Variants in UBR3 observed in about 807,000 individuals in gnomAD.
The protein encoded by UBR3 is ubiquitin protein ligase E3 component n-recognin 3.
In UBR3, 85 loss-of-function variants were observed where a neutral mutation model predicts 243.2. That is an observed-to-expected ratio of 0.35 (90% CI 0.29 to 0.42). The LOEUF is 0.42. Ranked by LOEUF, UBR3 falls within the 10% of genes least tolerant of loss-of-function variation. UBR3 has a pLI of 1.00. For synonymous variants in UBR3, 748 were observed against 799.8 expected, an observed-to-expected ratio of 0.94 and a Z score of 1.09; for missense variants, 1,686 against 2,300.8, an observed-to-expected ratio of 0.73 and a Z score of 5.47.
chr2:169,836,041 CTCTA>C (rs1455441887), intron 1 of UBR3, among the ~76,000 whole-genome samples: 1 of 8,422 alleles, frequency 1.2e-4, no homozygotes, highest in Non-Finnish European at 2.0e-4. Context: ...CTCTCTCTCT[CTCTA>C]TATATATATA....
intron 30 of UBR3, among the ~76,000 whole-genome samples, chr2:170,018,702 G>A (rs1351320493): frequency 1.3e-5 from 2 of 152,308 alleles, no homozygotes; most frequent in Non-Finnish European, 2.9e-5. Flanking sequence ...GACTTTGAAA[G>A]ATAAGTGAGG....
intron 3 of UBR3, among the ~76,000 whole-genome samples, chr2:169,876,372 G>T (rs183143548): frequency 1.3e-5 from 2 of 152,174 alleles, no homozygotes; most frequent in East Asian, 1.9e-4. Flanking sequence ...GAGCCACTGC[G>T]CCTGGCAAGA....
chr2:170,036,374 C>G (rs951813958), intron 31 of UBR3, among the ~76,000 whole-genome samples: 1 of 152,034 alleles, frequency 6.6e-6, no homozygotes, highest in Non-Finnish European at 1.5e-5. Flanking sequence ...GTGCATCAAT[C>G]CATTCATTCA....
rs1219172339 is a variant in UBR3, at chr2:169,947,611, C to T, written c.2980C>T (p.Arg994Ter). ...FPGSNLVSNM[R>*]HFINYVRVRV... ...TGGCAGTAACTTAGTGTCAAACATGCGACACTTTATAAACTATGTTAGAGT... is the reference window on the plus strand; with the variant it reads ...TGGCAGTAACTTAGTGTCAAACATGTGACACTTTATAAACTATGTTAGAGT... Residue 994 changes from arginine to a stop codon, truncating the protein, a stop_gained, in exon 22 of 39, where the codon CGA (arginine) becomes TGA (stop). Coordinates refer to ENST00000272793, the MANE Select transcript of UBR3 (RefSeq NM_172070.4). LOFTEE classifies it high-confidence loss of function. 3.9e-6 allele frequency: 6 copies of T among 1,534,468 alleles called. No homozygotes were observed. The highest frequency in any genetic ancestry group is 2.5e-5 in the East Asian group (1 of 40,060).
chr2:170,006,796 C>T (rs62172020), intron 27 of UBR3, among the ~76,000 whole-genome samples, 194 bp from the exon 28 acceptor site: 156 of 152,176 alleles, frequency 1.0e-3, no homozygotes, highest in South Asian at 7.3e-3. Context: ...GCAAGTGTTA[C>T]GTAATTGCTA....
chr2:170,079,960 T>C lies in UBR3; in HGVS notation c.5346T>C (p.Cys1782=). The C allele has an allele frequency of 1.2e-6, 2 of 1,614,122 alleles. No individual in the cohort carries two copies. The highest frequency in any genetic ancestry group is 1.7e-6 in the Non-Finnish European group (2 of 1,179,988). The change falls in exon 37 of 39, where the codon TGT becomes TGC. Residue 1782 remains cysteine, a synonymous_variant. Transcript: ENST00000272793. ...AAGATCCTGCTGTTTGCCTTGTGTGTGGTACTTTTGTATGCCTGAAAGGAC... is the reference window on the plus strand; with the variant it reads ...AAGATCCTGCTGTTTGCCTTGTGTGCGGTACTTTTGTATGCCTGAAAGGAC... The part of the protein sequence containing the change: ...VPKDPAVCLV[C]GTFVCLKGLC...
intron 31 of UBR3, among the ~76,000 whole-genome samples, chr2:170,030,365 A>G (rs1486938597): frequency 6.6e-6 from 1 of 152,156 alleles, no homozygotes; most frequent in African/African-American, 2.4e-5. Flanking sequence ...GAGGGCATAC[A>G]TAGCTAATAG....
intron 19 of UBR3, among the ~76,000 whole-genome samples, chr2:169,939,264 T>TC (rs1438743551): frequency 6.8e-6 from 1 of 147,624 alleles, no homozygotes; most frequent in East Asian, 2.0e-4. Context: ...CTTATTAACT[T>TC]TTTTTTTTTT....
chr2:169,872,528 C>T (rs1434794793), intron 2 of UBR3, among the ~76,000 whole-genome samples, 153 bp downstream of exon 2: 1 of 152,030 alleles, frequency 6.6e-6, no homozygotes, highest in Non-Finnish European at 1.5e-5. Flanking sequence ...TAGAAACACA[C>T]TAAAAATTAA....
intron 25 of UBR3, among the ~76,000 whole-genome samples, chr2:169,991,999 G>A (rs13400730): frequency 6.6e-6 from 1 of 152,118 alleles, no homozygotes; most frequent in South Asian, 2.1e-4. Context: ...TTAGAATGCA[G>A]TGAAAATGGG....
intron 1 of UBR3, among the ~76,000 whole-genome samples, chr2:169,832,121 G>C (rs2081959301): frequency 6.6e-6 from 1 of 152,136 alleles, no homozygotes; most frequent in Admixed American, 6.5e-5. Flanking sequence ...CTGTGGGGAG[G>C]ATTTAGTTAT....
intron 23 of UBR3, 71 bp downstream of exon 23, chr2:169,950,136 T>C: frequency 7.2e-7 from 1 of 1,385,688 alleles, no homozygotes; most frequent in South Asian, 1.5e-5. Flanking sequence ...TTTTGGTCAT[T>C]TGAGGATAAT....
chr2:169,984,447 A>G (rs1003357545), intron 24 of UBR3, among the ~76,000 whole-genome samples: 2 of 152,126 alleles, frequency 1.3e-5, no homozygotes, highest in Admixed American at 6.5e-5. Context: ...AACCAGTATC[A>G]TTACTTGTGA....
At chr2:170,028,518 T>C (rs772259628) in intron 30 of UBR3, among the ~76,000 whole-genome samples, 6 of 151,830 alleles carry the variant, frequency 4.0e-5, no homozygotes, top group Non-Finnish European at 4.4e-5. Flanking sequence ...ATATGACTTT[T>C]GATTTCCAAA....
intron 25 of UBR3, among the ~76,000 whole-genome samples, chr2:169,991,947 C>T (rs1178125915): frequency 6.6e-6 from 1 of 152,070 alleles, no homozygotes; most frequent in Non-Finnish European, 1.5e-5. Context: ...TTAGAAAACA[C>T]TTTGAGGTGA....
intron 10 of UBR3, among the ~76,000 whole-genome samples, chr2:169,906,688 G>A (rs1356235518): frequency 1.3e-5 from 2 of 152,148 alleles, no homozygotes; most frequent in Non-Finnish European, 2.9e-5. Flanking sequence ...TGCAGTTCCA[G>A]CCTGTTATTC....
chr2:169,942,771 TATA>T, intron 20 of UBR3, 137 bp downstream of exon 20: 1 of 872,658 alleles, frequency 1.1e-6, no homozygotes, highest in Non-Finnish European at 1.6e-6. Flanking sequence ...GAAGATATGT[TATA>T]ATCACATGTA....
At chr2:170,067,770 ATT>A (rs36071079) in intron 35 of UBR3, among the ~76,000 whole-genome samples, 38,309 of 138,340 alleles carry the variant, frequency 0.28, 5,120 homozygotes, top group South Asian at 0.43. Flanking sequence ...CAAGGAAATA[ATT>A]TTTTTTTTTT....
In UBR3 at chr2:169,896,611, T is replaced by C. The variant is rs2084604015; in HGVS notation, c.1341T>C (p.Ser447=). 1 of 1,551,240 alleles carries C rather than the reference T, an allele frequency of 6.4e-7. No homozygotes were observed. Among genetic ancestry groups the C allele is most frequent in the East Asian group, 2.4e-5 (1 of 40,854 alleles). ...DTMSNRIVHI[S]VQLFSNEELA... ...TGTCTAACAGAATTGTGCATATTAGTGTTCAGTTGTTCAGCAATGAGGAGC... is the reference window on the plus strand; with the variant it reads ...TGTCTAACAGAATTGTGCATATTAGCGTTCAGTTGTTCAGCAATGAGGAGC... Residue 447 remains serine (S), a synonymous_variant, in exon 8 of 39, where the codon AGT becomes AGC. Coordinates refer to ENST00000272793, the MANE Select transcript of UBR3 (RefSeq NM_172070.4).
Sources: allele counts gnomAD v4.1 joint callset (sites outside exome capture counted in the v4.1 genomes callset), GRCh38; gene constraint gnomAD v4.1.1; transcripts MANE v1.5; gene names NCBI Gene and HGNC (gene_info 2026-07-23, HGNC 2026-07-21).